Variants in LRRC72 observed in about 807,000 individuals in gnomAD.
LRRC72 encodes leucine-rich repeat-containing protein 72.
In LRRC72, 41 loss-of-function variants were observed where a neutral mutation model predicts 35.8. The ratio of observed to expected loss-of-function variants is 1.15; its 90% CI spans 0.89 to 1.49. The LOEUF is 1.49. Ranked by LOEUF, LRRC72 falls within the 40% of genes most tolerant of loss-of-function variation. LRRC72 has a pLI of 0.00. For synonymous variants in LRRC72, 118 were observed against 119.2 expected (o/e 0.99, Z 0.07); for missense variants, 389 against 330.7 (o/e 1.18, Z -1.37).
intron 2 of LRRC72, among the ~76,000 whole-genome samples, chr7:16,532,990 C>A (rs1209062923): frequency 1.3e-5 from 2 of 152,066 alleles, no homozygotes; most frequent in Non-Finnish European, 2.9e-5. Context: ...TCAAATGTAG[C>A]CCGATATCCT....
At chr7:16,533,453 AC>A (rs1249891266) in intron 2 of LRRC72, among the ~76,000 whole-genome samples, 1 of 152,052 alleles carries the variant, frequency 6.6e-6, no homozygotes, top group Non-Finnish European at 1.5e-5. Flanking sequence ...AAGCACAATG[AC>A]CCTATTCCTA....
intron 3 of LRRC72, among the ~76,000 whole-genome samples, chr7:16,550,338 A>G (rs1203960879): frequency 1.3e-5 from 2 of 152,212 alleles, no homozygotes; most frequent in African/African-American, 2.4e-5. Context: ...TTCTTCTTAG[A>G]CAATATGGGG....
At chr7:16,576,720 T>C (rs1269010524) in intron 7 of LRRC72, among the ~76,000 whole-genome samples, 1 of 152,156 alleles carries the variant, frequency 6.6e-6, no homozygotes, top group Non-Finnish European at 1.5e-5. Context: ...GTATTTAAAA[T>C]AAAATACCAA....
chr7:16,531,742 A>T (rs1260902607), intron 1 of LRRC72, among the ~76,000 whole-genome samples: 1 of 152,326 alleles, frequency 6.6e-6, no homozygotes, highest in Non-Finnish European at 1.5e-5. Context: ...ATTTTAGGTC[A>T]TGTGGCCTAT....
chr7:16,535,220 C>T (rs1321609049), intron 2 of LRRC72, among the ~76,000 whole-genome samples: 1 of 152,046 alleles, frequency 6.6e-6, no homozygotes, highest in Non-Finnish European at 1.5e-5. Context: ...TTGGAAGAGT[C>T]TGAAATACTT....
At chr7:16,580,433 A>G (rs1783120666) in intron 8 of LRRC72, among the ~76,000 whole-genome samples, 1 of 152,206 alleles carries the variant, frequency 6.6e-6, no homozygotes, top group African/African-American at 2.4e-5. Flanking sequence ...ACCTCAGGTC[A>G]GGAGTTCGAG....
chr7:16,542,998 G>GT (rs902396643), intron 3 of LRRC72, among the ~76,000 whole-genome samples: 95 of 152,308 alleles, frequency 6.2e-4, no homozygotes, highest in African/African-American at 2.1e-3. Flanking sequence ...TATGGGATAA[G>GT]TAAAAAAGCT....
chr7:16,578,492 A>G (rs1207637686), intron 7 of LRRC72, among the ~76,000 whole-genome samples: 1 of 152,212 alleles, frequency 6.6e-6, no homozygotes, highest in Non-Finnish European at 1.5e-5. Context: ...TCCATCTCAA[A>G]CAAAAACAAA....
intron 3 of LRRC72, among the ~76,000 whole-genome samples, chr7:16,547,430 A>C (rs976507263): frequency 6.6e-6 from 1 of 151,940 alleles, no homozygotes; most frequent in African/African-American, 2.4e-5. Flanking sequence ...CAACCTGGGC[A>C]CCCCTGTGCT....
intron 1 of LRRC72, chr7:16,530,194 C>T (rs78922498): frequency 0.096 from 14,607 of 152,152 alleles, 791 homozygotes; most frequent in East Asian, 0.15. Context: ...CACTTGATTA[C>T]GGAGGCTGAG....
intron 7 of LRRC72, among the ~76,000 whole-genome samples, chr7:16,569,402 C>T (rs375023553): frequency 7.8e-4 from 119 of 151,720 alleles, no homozygotes; most frequent in South Asian, 3.8e-3. Flanking sequence ...GCAACAAGAG[C>T]GAAACTCCAT....
At chr7:16,556,372 A>C (rs1782650681) in intron 3 of LRRC72, among the ~76,000 whole-genome samples, 1 of 152,208 alleles carries the variant, frequency 6.6e-6, no homozygotes, top group Non-Finnish European at 1.5e-5. Context: ...TAACTGTACA[A>C]GTCAAAGTAA....
chr7:16,580,896 T>C lies in LRRC72; in HGVS notation c.699-428T>C, dbSNP rs535146057. On this transcript the variant is annotated intron_variant, in intron 8 of 8. Transcript: ENST00000401542. ...TTTTTATTTTTTCACTTAAGATGTT[T>C]TTCTTTGGATACAGTATTGAATATT... is the stretch of plus-strand genomic sequence containing the variant. 2.0e-5 allele frequency among the ~76,000 whole-genome samples: 3 copies of C among 152,324 alleles called. No individual in the cohort carries two copies. In the East Asian group the frequency reaches 5.8e-4, roughly 29 times the overall value.
intron 7 of LRRC72, among the ~76,000 whole-genome samples, chr7:16,570,819 C>G (rs944284308): frequency 1.3e-5 from 2 of 152,100 alleles, no homozygotes; most frequent in Non-Finnish European, 2.9e-5. Context: ...TCAAAACAAA[C>G]AAACAAACAA....
At chr7:16,528,158 C>G (rs1377302046) in intron 1 of LRRC72, among the ~76,000 whole-genome samples, 1 of 152,194 alleles carries the variant, frequency 6.6e-6, no homozygotes, top group Non-Finnish European at 1.5e-5. Context: ...TCAAATGCTC[C>G]TCTGCCTCCT....
intron 5 of LRRC72, among the ~76,000 whole-genome samples, chr7:16,566,011 G>T (rs984216338): frequency 6.6e-6 from 1 of 152,154 alleles, no homozygotes; most frequent in Non-Finnish European, 1.5e-5. Context: ...CTTATTTATG[G>T]ACATGTTAAA....
chr7:16,568,673 C>T lies in LRRC72; in HGVS notation c.670+1130C>T, dbSNP rs191626348. 4.1e-3 allele frequency among the ~76,000 whole-genome samples: 618 copies of T among 152,204 alleles called. 1 individual carries two copies. Among genetic ancestry groups the T allele is most frequent in the Non-Finnish European group, 6.6e-3 (446 of 68,016 alleles). On this transcript the variant is annotated intron_variant, in intron 7 of 8. Coordinates refer to ENST00000401542, the MANE Select transcript of LRRC72 (RefSeq NM_001195280.2). ...AGAATTGGCAAAGAATTCTTAGATGCACCAGACAAAATGAATCCAAACACA... is the reference window on the plus strand; with the variant it reads ...AGAATTGGCAAAGAATTCTTAGATGTACCAGACAAAATGAATCCAAACACA...
chr7:16,576,712 A>T (rs998367934), intron 7 of LRRC72, among the ~76,000 whole-genome samples: 21 of 152,204 alleles, frequency 1.4e-4, no homozygotes, highest in Non-Finnish European at 2.9e-5. Flanking sequence ...ATTAAGGGGT[A>T]TTTAAAATAA....
At chr7:16,552,951 C>G (rs1290852574) in intron 3 of LRRC72, among the ~76,000 whole-genome samples, 1 of 152,122 alleles carries the variant, frequency 6.6e-6, no homozygotes, top group African/African-American at 2.4e-5. Context: ...CTTTCTGTGC[C>G]TCAGTTTCAT....
Sources: gnomAD v4.1 joint callset for allele counts (sites outside exome capture counted in the v4.1 genomes callset) on GRCh38, gnomAD v4.1.1 for gene constraint, MANE v1.5 for transcripts, NCBI Gene and HGNC (gene_info 2026-07-23, HGNC 2026-07-21) for gene names.